Variants in CACNA2D3 observed in about 807,000 individuals in gnomAD.
CACNA2D3 encodes the protein calcium voltage-gated channel auxiliary subunit alpha2delta 3, also known as voltage-dependent calcium channel subunit alpha-2/delta-3.
A neutral mutation model predicts 160.6 loss-of-function variants in CACNA2D3; 60 were observed. The observed-to-expected ratio is 0.37, with a 90% CI of 0.30 to 0.46. CACNA2D3 has a LOEUF of 0.46. Among genes scored for constraint, CACNA2D3 ranks in the 20% least tolerant of loss-of-function variants. The probability of loss-of-function intolerance (pLI) is 1.00; values close to 1 mark genes in which losing one functional copy is unlikely to be tolerated. For synonymous variants in CACNA2D3, 558 were observed against 492.9 expected (o/e 1.13, Z -1.75); for missense variants, 1,205 against 1,365.0 (o/e 0.88, Z 1.85).
chr3:54,918,200 C>T (rs575570498), intron 27 of CACNA2D3: 22 of 405,414 alleles, frequency 5.4e-5, no homozygotes, highest in Non-Finnish European at 9.8e-5. Flanking sequence ...GTCTTACCCC[C>T]ACATAGAATC....
At chr3:55,037,606 G>A (rs1416588465) in intron 35 of CACNA2D3, among the ~76,000 whole-genome samples, 3 of 152,216 alleles carry the variant, frequency 2.0e-5, no homozygotes, top group African/African-American at 7.2e-5. Context: ...AGAGTAAACA[G>A]CGATGGATTT....
At chr3:54,440,839 G>A (rs1181712212) in intron 4 of CACNA2D3, among the ~76,000 whole-genome samples, 2 of 152,182 alleles carry the variant, frequency 1.3e-5, no homozygotes, top group African/African-American at 4.8e-5. Flanking sequence ...TGGCTGCATA[G>A]CATTCCATGG....
At chr3:54,860,950 T>A (rs1035579339) in intron 17 of CACNA2D3, among the ~76,000 whole-genome samples, 7 of 152,234 alleles carry the variant, frequency 4.6e-5, no homozygotes, top group Non-Finnish European at 8.8e-5. Flanking sequence ...GTCATTGTTA[T>A]GCATGTGTTT....
intron 2 of CACNA2D3, among the ~76,000 whole-genome samples, chr3:54,300,155 T>TA: frequency 6.6e-6 from 1 of 152,278 alleles, no homozygotes; most frequent in Non-Finnish European, 1.5e-5. Context: ...TTCTATTAGA[T>TA]ATTTGTTTAA....
intron 11 of CACNA2D3, among the ~76,000 whole-genome samples, chr3:54,671,202 T>G (rs630040): frequency 0.16 from 24,759 of 151,242 alleles, 2,506 homozygotes; most frequent in Non-Finnish European, 0.22. Flanking sequence ...TTGTATCTAG[T>G]AGCTGGGGTC....
At chr3:54,597,032 G>C (rs149485826) in intron 9 of CACNA2D3, among the ~76,000 whole-genome samples, 2 of 152,246 alleles carry the variant, frequency 1.3e-5, no homozygotes, top group African/African-American at 4.8e-5. Flanking sequence ...ACAGCATAGG[G>C]TCAGGCTCTC....
At chr3:54,371,620 G>A (rs1266854216) in intron 3 of CACNA2D3, among the ~76,000 whole-genome samples, 1 of 152,120 alleles carries the variant, frequency 6.6e-6, no homozygotes, top group Non-Finnish European at 1.5e-5. Context: ...CATCACTCAA[G>A]TAAGATCTCT....
chr3:54,157,627 T>TA (rs374905338), intron 2 of CACNA2D3, among the ~76,000 whole-genome samples: 7 of 151,810 alleles, frequency 4.6e-5, no homozygotes, highest in Non-Finnish European at 8.8e-5. Context: ...CTGTCTCTAC[T>TA]AAAAAAATAC....
intron 9 of CACNA2D3, among the ~76,000 whole-genome samples, chr3:54,605,964 G>T (rs1451121759): frequency 1.3e-5 from 2 of 152,114 alleles, no homozygotes; most frequent in Non-Finnish European, 2.9e-5. Flanking sequence ...TTTACTAGTA[G>T]AATAAATTGA....
chr3:54,585,889 T>G (rs1215474307), intron 9 of CACNA2D3, among the ~76,000 whole-genome samples: 2 of 152,060 alleles, frequency 1.3e-5, no homozygotes, highest in African/African-American at 4.8e-5. Flanking sequence ...AGACCATCAG[T>G]GTCAAGGCAG....
At chr3:54,695,571 C>T (rs1036656645) in intron 11 of CACNA2D3, among the ~76,000 whole-genome samples, 1 of 152,132 alleles carries the variant, frequency 6.6e-6, no homozygotes, top group Non-Finnish European at 1.5e-5. Context: ...TGTACCAGTG[C>T]TCTCTTCCCC....
At chr3:54,460,250 G>A (rs1325637445) in intron 4 of CACNA2D3, among the ~76,000 whole-genome samples, 1 of 151,928 alleles carries the variant, frequency 6.6e-6, no homozygotes, top group Non-Finnish European at 1.5e-5. Context: ...TTGACTTGGC[G>A]ATGCAGGCTC....
chr3:55,032,354 C>T (rs1038461474), intron 35 of CACNA2D3, among the ~76,000 whole-genome samples: 4 of 152,176 alleles, frequency 2.6e-5, no homozygotes, highest in Non-Finnish European at 4.4e-5. Context: ...ACTGAAAATT[C>T]TCTGATCCAC....
intron 2 of CACNA2D3, among the ~76,000 whole-genome samples, chr3:54,268,419 T>C (rs1291271297): frequency 2.6e-5 from 4 of 152,170 alleles, no homozygotes; most frequent in Non-Finnish European, 5.9e-5. Context: ...TTTTATTTTT[T>C]ATTTATTGAG....
At chr3:55,038,057 T>C (rs1703869405) in intron 35 of CACNA2D3, among the ~76,000 whole-genome samples, 1 of 152,152 alleles carries the variant, frequency 6.6e-6, no homozygotes, top group Admixed American at 6.5e-5. Context: ...TAGGACTCTC[T>C]CTCTCTTTCA....
chr3:54,892,331 A>G (rs1218638960), intron 25 of CACNA2D3, among the ~76,000 whole-genome samples: 1 of 152,076 alleles, frequency 6.6e-6, no homozygotes, highest in African/African-American at 2.4e-5. Flanking sequence ...GCCACAGAGT[A>G]GCTGCCAATT....
intron 2 of CACNA2D3, among the ~76,000 whole-genome samples, chr3:54,166,851 A>G (rs952085733): frequency 6.6e-6 from 1 of 152,160 alleles, no homozygotes; most frequent in African/African-American, 2.4e-5. Flanking sequence ...AAAAATTATG[A>G]TGTATTTTTA....
intron 13 of CACNA2D3, among the ~76,000 whole-genome samples, chr3:54,806,575 A>C (rs78510589): frequency 0.45 from 68,025 of 151,236 alleles, 15,638 homozygotes; most frequent in Non-Finnish European, 0.5. Context: ...AATGGAAGAA[A>C]ATTCCATGCT....
At chr3:54,975,552 G>C (rs1205268247) in intron 29 of CACNA2D3, among the ~76,000 whole-genome samples, 2 of 147,420 alleles carry the variant, frequency 1.4e-5, no homozygotes. Context: ...AAAAAACAAC[G>C]TGGCCCCCTT....
Sources: allele counts gnomAD v4.1 joint callset (sites outside exome capture counted in the v4.1 genomes callset), GRCh38; gene constraint gnomAD v4.1.1; transcripts MANE v1.5; gene names NCBI Gene and HGNC (gene_info 2026-07-23, HGNC 2026-07-21).